The following TTC23 variants were observed in gnomAD, a reference collection of about 807,000 sequenced individuals.
The protein encoded by TTC23 is tetratricopeptide repeat domain 23.
TTC23 carries 58 observed loss-of-function variants against 55.1 expected under a neutral mutation model. The observed-to-expected ratio is 1.05, with a 90% CI of 0.85 to 1.31. The LOEUF (loss-of-function observed/expected upper bound fraction) is 1.31, where lower values mean the gene tolerates loss of function less well. Ranked by LOEUF, TTC23 falls within the 50% of genes most tolerant of loss-of-function variation. TTC23 has a pLI of 0.00. For missense variants in TTC23, 516 were observed against 534.4 expected, an observed-to-expected ratio of 0.97 and a Z score of 0.34; for synonymous variants, 203 against 199.9, an observed-to-expected ratio of 1.02 and a Z score of -0.13.
intron 1 of TTC23, among the ~76,000 whole-genome samples, chr15:99,248,019 T>TA (rs2080411642): frequency 1.3e-5 from 2 of 152,172 alleles, no homozygotes; most frequent in African/African-American, 4.8e-5. Context: ...GACAAGACTT[T>TA]TATAAAGACG....
In TTC23 at chr15:99,137,820, G is replaced by A; in HGVS notation, c.*190C>T. 1 of 871,918 alleles carries A rather than the reference G, an allele frequency of 1.1e-6. No homozygotes were observed. The highest frequency in any genetic ancestry group is 1.9e-5 in the South Asian group (1 of 53,202). The allele number at this position is 871,918 out of a possible 1,614,324, so 54.0% of individuals were successfully genotyped here. Reference sequence around the variant, plus strand: ...ACTGCTTTATAGCATATATCACCCTGAAGGGCATCCACTGTCAAAATGTGG... The same window carrying A: ...ACTGCTTTATAGCATATATCACCCTAAAGGGCATCCACTGTCAAAATGTGG... On this transcript the variant is annotated 3_prime_UTR_variant, in exon 14 of 14. Coordinates refer to ENST00000394132, the MANE Select transcript of TTC23 (RefSeq NM_001288615.3).
In TTC23 at chr15:99,177,945, C is replaced by T. The variant is rs570245325; in HGVS notation, c.760-2790G>A. On this transcript the variant is annotated intron_variant, in intron 9 of 13. Coordinates refer to ENST00000394132, the MANE Select transcript of TTC23 (RefSeq NM_001288615.3). ...CTATAATCTCAGCACCTTGGGAGGC[C>T]GAGGCAGGAGGATCACTTGAGCTCA... 4.6e-5 allele frequency among the ~76,000 whole-genome samples: 7 copies of T among 152,084 alleles called. No individual in the cohort carries two copies. The South Asian group carries it at 1.5e-3, about 32-fold the overall frequency.
chr15:99,199,914 C>T lies in TTC23; in HGVS notation c.759+5G>A, dbSNP rs1409841485. The stretch of plus-strand genomic sequence containing the variant: ...AGCTTTGGTAGCCAGGACCTTGTAG[C>T]TTACCTGGAGGAAGTGGTTGATGGA... On this transcript the variant is annotated splice_donor_5th_base_variant and intron_variant, in intron 9 of 13. Coordinates refer to ENST00000394132, the MANE Select transcript of TTC23 (RefSeq NM_001288615.3). 4.3e-6 allele frequency: 7 copies of T among 1,609,268 alleles called. No homozygotes were observed. Among genetic ancestry groups the T allele is most frequent in the Non-Finnish European group, 5.9e-6 (7 of 1,177,810 alleles).
chr15:99,162,840 G>T (rs751296929), intron 10 of TTC23, among the ~76,000 whole-genome samples: 9 of 152,150 alleles, frequency 5.9e-5, no homozygotes, highest in Admixed American at 5.9e-4. Flanking sequence ...AGCACTTTGG[G>T]AGGCCAAGGT....
intron 4 of TTC23, among the ~76,000 whole-genome samples, chr15:99,230,796 T>C (rs776362631): frequency 6.6e-6 from 1 of 152,114 alleles, no homozygotes; most frequent in Non-Finnish European, 1.5e-5. Context: ...TTTTAAATAA[T>C]TAATCGCCAG....
intron 6 of TTC23, among the ~76,000 whole-genome samples, chr15:99,221,225 A>G (rs982834389): frequency 2.0e-5 from 3 of 152,236 alleles, no homozygotes; most frequent in African/African-American, 7.2e-5. Context: ...AGTGGGAGAG[A>G]GAAAAATTGA....
chr15:99,193,965 T>C (rs941652854), intron 9 of TTC23, among the ~76,000 whole-genome samples: 2 of 151,562 alleles, frequency 1.3e-5, no homozygotes, highest in African/African-American at 4.9e-5. Flanking sequence ...GCTGAGATTG[T>C]GCCACTGCAC....
intron 4 of TTC23, among the ~76,000 whole-genome samples, chr15:99,234,409 C>T (rs4542646): frequency 0.14 from 21,016 of 152,126 alleles, 1,476 homozygotes; most frequent in African/African-American, 0.15. Context: ...CTCGCTCTGT[C>T]GCCTAGGCTG....
intron 8 of TTC23, among the ~76,000 whole-genome samples, chr15:99,215,066 G>C (rs902195945): frequency 1.3e-5 from 2 of 151,296 alleles, no homozygotes; most frequent in African/African-American, 4.9e-5. Flanking sequence ...ATGTTAGCTA[G>C]GCTGGTCTTG....
chr15:99,156,164 C>G lies in TTC23; in HGVS notation c.1127G>C (p.Arg376Pro). ...CAGCTTTACCTTCTTCAGTTTCTTGCGGGCCCCACTGTGGTTCCCCTGCGC... is the reference window on the plus strand; with the variant it reads ...CAGCTTTACCTTCTTCAGTTTCTTGGGGGCCCCACTGTGGTTCCCCTGCGC... Reference protein sequence around the residue: ...DLAQGNHSGARKKLKKCLQIQ... With the variant: ...DLAQGNHSGAPKKLKKCLQIQ... The change falls in exon 12 of 14, where the codon CGC becomes CCC. Residue 376 changes from arginine (R) to proline (P), a missense_variant. Coordinates refer to ENST00000394132, the MANE Select transcript of TTC23 (RefSeq NM_001288615.3). The G allele has an allele frequency of 6.2e-7, 1 of 1,614,198 alleles. No individual in the cohort carries two copies. The highest frequency in any genetic ancestry group is 8.5e-7 in the Non-Finnish European group (1 of 1,180,036).
chr15:99,218,649 C>T lies in TTC23; in HGVS notation c.520G>A (p.Gly174Arg). ...ATCCATTCTTCCTTTATAATTCTTCCACATTGTAGCAGCTCCTTTGAAAGT... is the reference window on the plus strand; with the variant it reads ...ATCCATTCTTCCTTTATAATTCTTCTACATTGTAGCAGCTCCTTTGAAAGT... ...ERLSKELLQC[G>R]RIIKEEWIEI... The change falls in exon 8 of 14, where the codon GGA becomes AGA. Residue 174 changes from glycine to arginine, a missense_variant. Physicochemically the swap from Gly to Arg is moderately radical, Grantham distance 125. Coordinates refer to ENST00000394132, the MANE Select transcript of TTC23 (RefSeq NM_001288615.3). 6.2e-7 allele frequency: 1 copy of T among 1,614,118 alleles called. No homozygotes were observed. Among genetic ancestry groups the T allele is most frequent in the Non-Finnish European group, 8.5e-7 (1 of 1,180,016 alleles).
chr15:99,156,435 A>T (rs2070584083), intron 11 of TTC23, 138 bp from the exon 12 acceptor site: 2 of 1,008,490 alleles, frequency 2.0e-6, no homozygotes, highest in African/African-American at 1.6e-5. Context: ...GTCCATTCTC[A>T]TGCTGCTATG....
intron 5 of TTC23, among the ~76,000 whole-genome samples, chr15:99,227,401 T>C (rs1028266938): frequency 2.6e-5 from 4 of 152,222 alleles, no homozygotes; most frequent in Non-Finnish European, 4.4e-5. Flanking sequence ...CTATTGTCTC[T>C]GCCACACGTA....
intron 8 of TTC23, among the ~76,000 whole-genome samples, chr15:99,203,698 T>C (rs1381998353): frequency 6.6e-6 from 1 of 151,950 alleles, no homozygotes; most frequent in Admixed American, 6.6e-5. Context: ...TTTCTTTTTT[T>C]TCTTTCTTTT....
chr15:99,235,912 C>A (rs2079283699), intron 3 of TTC23, among the ~76,000 whole-genome samples: 1 of 152,142 alleles, frequency 6.6e-6, no homozygotes, highest in South Asian at 2.1e-4. Flanking sequence ...ATTATTTTGC[C>A]TTTTGTGACT....
At chr15:99,156,477 G>A (rs2070592388) in intron 11 of TTC23, among the ~76,000 whole-genome samples, 180 bp from the exon 12 acceptor site, 1 of 152,182 alleles carries the variant, frequency 6.6e-6, no homozygotes, top group Admixed American at 6.5e-5. Context: ...AATTTATAAA[G>A]CCAAGAAGTT....
chr15:99,165,049 T>A (rs747824440), intron 10 of TTC23, among the ~76,000 whole-genome samples: 2 of 152,358 alleles, frequency 1.3e-5, no homozygotes, highest in Middle Eastern at 6.8e-3. Flanking sequence ...TGCATATGAA[T>A]AAATGATAAC....
chr15:99,186,509 G>C (rs1165071003), intron 9 of TTC23, among the ~76,000 whole-genome samples: 2 of 152,040 alleles, frequency 1.3e-5, no homozygotes, highest in African/African-American at 4.8e-5. Context: ...CTGGATACAG[G>C]GAAATCCTTC....
chr15:99,142,607 TACTC>T (rs1555490975), intron 12 of TTC23, among the ~76,000 whole-genome samples: 1 of 152,210 alleles, frequency 6.6e-6, no homozygotes, highest in African/African-American at 2.4e-5. Context: ...CAAAATCTAA[TACTC>T]AGAGGAATTT....
Sources: allele counts gnomAD v4.1 joint callset (sites outside exome capture counted in the v4.1 genomes callset), GRCh38; gene constraint gnomAD v4.1.1; transcripts MANE v1.5; gene names NCBI Gene and HGNC (gene_info 2026-07-23, HGNC 2026-07-21).